THSD7B: variants seen among roughly 807,000 people sequenced by gnomAD.
THSD7B encodes thrombospondin type-1 domain-containing protein 7B.
THSD7B carries 138 observed loss-of-function variants against 213.6 expected under a neutral mutation model. The ratio of observed to expected loss-of-function variants is 0.65; its 90% CI spans 0.56 to 0.74. The LOEUF is 0.74. Ranked by LOEUF, THSD7B falls within the 30% of genes least tolerant of loss-of-function variation. The pLI is 0.00. For synonymous variants in THSD7B, 742 were observed against 687.0 expected, an observed-to-expected ratio of 1.08 and a Z score of -1.25; for missense variants, 1,931 against 1,991.5, an observed-to-expected ratio of 0.97 and a Z score of 0.58.
intron 12 of THSD7B, among the ~76,000 whole-genome samples, chr2:137,324,349 T>G (rs78452849): frequency 0.013 from 2,006 of 152,340 alleles, 58 homozygotes; most frequent in African/African-American, 0.047. Context: ...CCCTGAGTTA[T>G]ATAATCGTGG....
At chr2:137,395,134 C>T (rs1368668970) in intron 12 of THSD7B, among the ~76,000 whole-genome samples, 1 of 144,330 alleles carries the variant, frequency 6.9e-6, no homozygotes, top group Admixed American at 6.9e-5. Context: ...TTCCTCTTCT[C>T]CTAATTGAAT....
intron 2 of THSD7B, among the ~76,000 whole-genome samples, chr2:136,926,382 T>C (rs1362099017): frequency 6.8e-6 from 1 of 146,932 alleles, no homozygotes; most frequent in Non-Finnish European, 1.5e-5. Context: ...GTTGTACCCC[T>C]AAACTTAAAA....
chr2:137,655,144 C>T (rs1196820746), intron 21 of THSD7B, among the ~76,000 whole-genome samples: 2 of 152,168 alleles, frequency 1.3e-5, no homozygotes, highest in African/African-American at 4.8e-5. Context: ...AATTTATGCC[C>T]TGTAACTTTA....
At chr2:137,297,665 A>C (rs1181535003) in intron 12 of THSD7B, among the ~76,000 whole-genome samples, 1 of 152,044 alleles carries the variant, frequency 6.6e-6, no homozygotes, top group Non-Finnish European at 1.5e-5. Flanking sequence ...GGAGGGACCT[A>C]GTGGGAGGTA....
intron 7 of THSD7B, 96 bp from the exon 8 acceptor site, chr2:137,230,948 C>A: frequency 8.4e-7 from 1 of 1,188,568 alleles, no homozygotes. Context: ...AAGAAACTAT[C>A]ATTTTTGGGG....
At chr2:137,538,039 C>T (rs1680538901) in intron 15 of THSD7B, among the ~76,000 whole-genome samples, 6 of 151,658 alleles carry the variant, frequency 4.0e-5, no homozygotes, top group Admixed American at 3.9e-4. Context: ...GATCCACATT[C>T]CAAGAGTTAG....
intron 7 of THSD7B, among the ~76,000 whole-genome samples, chr2:137,230,185 A>G (rs983375462): frequency 3.9e-5 from 6 of 152,218 alleles, no homozygotes; most frequent in Non-Finnish European, 8.8e-5. Context: ...TAGCCATTGT[A>G]GTCATTTGAA....
At chr2:136,822,189 G>T (rs940199462) in intron 1 of THSD7B, among the ~76,000 whole-genome samples, 3 of 152,100 alleles carry the variant, frequency 2.0e-5, no homozygotes, top group Non-Finnish European at 2.9e-5. Flanking sequence ...AATGCTTTTG[G>T]TCTCTTGGTG....
At chr2:137,471,077 G>A (rs976637009) in intron 15 of THSD7B, among the ~76,000 whole-genome samples, 5 of 151,728 alleles carry the variant, frequency 3.3e-5, no homozygotes, top group African/African-American at 4.8e-5. Flanking sequence ...TTGCCACCAC[G>A]CCTGGCTAAT....
chr2:136,897,130 A>C lies in THSD7B; in HGVS notation c.139+14813A>C, dbSNP rs75758924. Among the ~76,000 whole-genome samples, 396 of 152,140 alleles carry C rather than the reference A, an allele frequency of 2.6e-3. 3 individuals are homozygous for C. The highest frequency in any genetic ancestry group is 8.9e-3 in the African/African-American group (371 of 41,530). On this transcript the variant is annotated intron_variant, in intron 2 of 27. Coordinates refer to ENST00000409968, the MANE Select transcript of THSD7B (RefSeq NM_001316349.2). ...CTGGCTACTTATTTTTAATTAAAAA[A>C]AAATTTGTAGAGACAAGGTCTCACT...
intron 15 of THSD7B, among the ~76,000 whole-genome samples, chr2:137,516,327 A>G (rs1680067511): frequency 6.6e-6 from 1 of 152,212 alleles, no homozygotes; most frequent in African/African-American, 2.4e-5. Flanking sequence ...CAATTTCCAG[A>G]CTTGAACCAG....
At chr2:136,917,039 A>T (rs540375343) in intron 2 of THSD7B, among the ~76,000 whole-genome samples, 26 of 152,342 alleles carry the variant, frequency 1.7e-4, no homozygotes, top group African/African-American at 5.8e-4. Flanking sequence ...ATTCAAATTG[A>T]TACTGGTTTT....
intron 1 of THSD7B, among the ~76,000 whole-genome samples, chr2:136,802,873 C>T (rs968832584): frequency 1.7e-4 from 25 of 151,428 alleles, no homozygotes; most frequent in African/African-American, 6.1e-4. Context: ...ATTATTAACA[C>T]CATTATTTAG....
At chr2:137,610,049 G>A (rs1316122816) in intron 17 of THSD7B, among the ~76,000 whole-genome samples, 3 of 152,130 alleles carry the variant, frequency 2.0e-5, no homozygotes, top group Admixed American at 1.3e-4. Context: ...AAGATTAGAA[G>A]AGGATGCTGG....
chr2:137,133,870 G>T (rs1288838274), intron 5 of THSD7B, among the ~76,000 whole-genome samples: 5 of 152,062 alleles, frequency 3.3e-5, no homozygotes, highest in Non-Finnish European at 5.9e-5. Flanking sequence ...TTTTACACTT[G>T]CAGTGCATCT....
At chr2:137,196,135 A>G (rs1244981063) in intron 7 of THSD7B, among the ~76,000 whole-genome samples, 7 of 152,228 alleles carry the variant, frequency 4.6e-5, no homozygotes, top group Non-Finnish European at 7.3e-5. Flanking sequence ...TCACAGAACA[A>G]GAAATAGTGT....
intron 15 of THSD7B, among the ~76,000 whole-genome samples, chr2:137,493,070 G>A (rs563756102): frequency 2.7e-5 from 3 of 112,726 alleles, no homozygotes; most frequent in East Asian, 3.1e-4. Flanking sequence ...GCAATGAGCC[G>A]AAATTGCACC....
intron 12 of THSD7B, among the ~76,000 whole-genome samples, chr2:137,362,741 C>A (rs1309264874): frequency 6.6e-6 from 1 of 152,052 alleles, no homozygotes; most frequent in Non-Finnish European, 1.5e-5. Context: ...TAAAGCAAGT[C>A]CTTAGAGACC....
intron 2 of THSD7B, among the ~76,000 whole-genome samples, chr2:136,908,765 T>C (rs570353179): frequency 6.6e-6 from 1 of 152,314 alleles, no homozygotes; most frequent in Admixed American, 6.5e-5. Flanking sequence ...GTTTTCTTTA[T>C]GGGGAGGAAG....
Sources: allele counts gnomAD v4.1 joint callset (sites outside exome capture counted in the v4.1 genomes callset), GRCh38; gene constraint gnomAD v4.1.1; transcripts MANE v1.5; gene names NCBI Gene and HGNC (gene_info 2026-07-23, HGNC 2026-07-21).